The following PISD variants were observed in gnomAD, a reference collection of about 807,000 sequenced individuals.
PISD encodes the protein phosphatidylserine decarboxylase.
PISD carries 31 observed loss-of-function variants against 43.5 expected under a neutral mutation model. The observed-to-expected ratio is 0.71, with a 90% CI of 0.54 to 0.96. The LOEUF (loss-of-function observed/expected upper bound fraction) is 0.96. Among genes scored for constraint, PISD ranks in the 40% least tolerant of loss-of-function variants. The pLI is 0.00. For missense variants in PISD, 523 were observed against 548.4 expected (o/e 0.95, Z 0.46); for synonymous variants, 259 against 228.7 (o/e 1.13, Z -1.20).
At chr22:31,650,376 A>C (rs2073998054) in intron 2 of PISD, among the ~76,000 whole-genome samples, 1 of 151,958 alleles carries the variant, frequency 6.6e-6, no homozygotes. Context: ...AACAACAAAA[A>C]TTAACAATAA....
At chr22:31,655,229 A>C (rs2074134497) in intron 1 of PISD, among the ~76,000 whole-genome samples, 1 of 152,064 alleles carries the variant, frequency 6.6e-6, no homozygotes, top group African/African-American at 2.4e-5. Context: ...GCTGGAGTTT[A>C]TCTGTTACAG....
chr22:31,641,477 A>T (rs1352412076), intron 3 of PISD, among the ~76,000 whole-genome samples: 1 of 152,116 alleles, frequency 6.6e-6, no homozygotes, highest in Non-Finnish European at 1.5e-5. Flanking sequence ...CCTAGGTGGG[A>T]GAGAGAGAGT....
intron 3 of PISD, chr22:31,628,098 G>A: frequency 4.1e-6 from 4 of 985,522 alleles, no homozygotes; most frequent in Non-Finnish European, 4.8e-6. Context: ...GCCGAGACCA[G>A]GGTGTCAGTG....
chr22:31,636,883 G>A (rs1214985988), intron 3 of PISD, among the ~76,000 whole-genome samples: 1 of 151,162 alleles, frequency 6.6e-6, no homozygotes, highest in Non-Finnish European at 1.5e-5. Flanking sequence ...TCACCATGTT[G>A]GCCAGGCTGG....
rs1466174387 is a variant in PISD at position 31,630,619 on chromosome 22, C to G, written c.322-8734G>C. 1.5e-6 allele frequency: 1 copy of G among 656,512 alleles called. No individual in the cohort carries two copies. Among genetic ancestry groups the G allele is most frequent in the Non-Finnish European group, 1.9e-6 (1 of 529,394 alleles). 40.7% of individuals were successfully genotyped at this position (656,512 alleles called of 1,614,324 possible). Reference sequence around the variant, plus strand: ...AAAAAAAGCCCACGACTCGCTCAACCTTGTCCGCGGGGCTCCTCAGGCCGG... The same window carrying G: ...AAAAAAAGCCCACGACTCGCTCAACGTTGTCCGCGGGGCTCCTCAGGCCGG... On this transcript the variant is annotated intron_variant, in intron 3 of 7. Coordinates refer to ENST00000439502, the MANE Select transcript of PISD (RefSeq NM_001326411.2). The surrounding 1 kb of genome is among the most constrained non-coding windows in gnomAD (Gnocchi z 4.4).
chr22:31,623,102 C>T (rs935178491), intron 3 of PISD, among the ~76,000 whole-genome samples: 1 of 152,188 alleles, frequency 6.6e-6, no homozygotes, highest in Non-Finnish European at 1.5e-5. Context: ...ATGTGACTGT[C>T]AAAGGCCCAG....
intron 3 of PISD, chr22:31,638,826 T>A: frequency 6.6e-6 from 1 of 151,786 alleles, no homozygotes; most frequent in East Asian, 2.0e-4. Flanking sequence ...TCTTTCTTTT[T>A]TTTTTTTTTT....
At chr22:31,654,771 G>A (rs9621306) in intron 1 of PISD, among the ~76,000 whole-genome samples, 2,178 of 152,192 alleles carry the variant, frequency 0.014, 51 homozygotes, top group African/African-American at 0.049. Context: ...GCCGACTGTG[G>A]GAAGTATTAA....
intron 3 of PISD, among the ~76,000 whole-genome samples, chr22:31,626,532 C>T (rs1252141283): frequency 6.6e-6 from 1 of 152,108 alleles, no homozygotes; most frequent in Admixed American, 6.5e-5. Flanking sequence ...CTTGACCCCC[C>T]ACCAACACAC....
chr22:31,632,489 C>T (rs2073246208), intron 3 of PISD, among the ~76,000 whole-genome samples: 1 of 152,170 alleles, frequency 6.6e-6, no homozygotes, highest in African/African-American at 2.4e-5. Flanking sequence ...CTATTCCAGC[C>T]AGGGCTACTG....
At chr22:31,627,175 T>C (rs2072953295) in intron 3 of PISD, among the ~76,000 whole-genome samples, 1 of 152,206 alleles carries the variant, frequency 6.6e-6, no homozygotes, top group Non-Finnish European at 1.5e-5. Flanking sequence ...GACACAAGCG[T>C]GGATTTCTCC....
At chr22:31,656,864 C>T (rs56211407) in intron 1 of PISD, among the ~76,000 whole-genome samples, 8,326 of 152,104 alleles carry the variant, frequency 0.055, 211 homozygotes, top group Non-Finnish European at 0.065. Flanking sequence ...GTGGCTCACT[C>T]CCACATCATT....
rs2073582991 is a variant in PISD at position 31,638,455 on chromosome 22, T to TGGGGAAGTGGGGAGAAC, written c.321+9629_321+9645dup. ...GAAGGGGGGATGAAGGGGGATGAAG[T>TGGGGAAGTGGGGAGAAC]GGGGAAGTGGGGAGAACAGGGAAGA... is the stretch of plus-strand genomic sequence containing the variant. On this transcript the variant is annotated intron_variant, in intron 3 of 7. Transcript: ENST00000439502. The TGGGGAAGTGGGGAGAAC allele has an allele frequency of 1.0e-5, 10 of 977,914 alleles. No individual in the cohort carries two copies. The South Asian group carries it at 4.7e-4, about 46-fold the overall frequency. 60.6% of individuals were successfully genotyped at this position (977,914 alleles called of 1,614,324 possible). A position where few individuals can be genotyped will look rare whatever the true frequency, so the allele number is the denominator to read the frequency against.
At chr22:31,620,408 G>C (rs2072476478) in intron 7 of PISD, 145 bp downstream of exon 7, 1 of 756,324 alleles carries the variant, frequency 1.3e-6, no homozygotes, top group African/African-American at 1.8e-5. Flanking sequence ...GCCATTCTCA[G>C]GACAGCTGCT....
At chr22:31,621,524 C>A (rs773637852) in intron 4 of PISD, 52 bp from the exon 5 acceptor site, 7 of 1,608,174 alleles carry the variant, frequency 4.4e-6, no homozygotes, top group Non-Finnish European at 6.0e-6. Context: ...CTCCTCCCCC[C>A]AGGAGACAGC....
intron 3 of PISD, among the ~76,000 whole-genome samples, chr22:31,647,391 A>T (rs1037753540): frequency 4.6e-5 from 7 of 152,228 alleles, no homozygotes; most frequent in African/African-American, 1.7e-4. Flanking sequence ...GTGGATCACC[A>T]CTGCATTCCA....
chr22:31,639,228 A>G (rs1356709291), intron 3 of PISD, among the ~76,000 whole-genome samples: 2 of 149,986 alleles, frequency 1.3e-5, no homozygotes, highest in Admixed American at 1.3e-4. Context: ...CTGGAGTGCA[A>G]TGGCGCAGTC....
At chr22:31,657,081 A>G (rs2074200441) in intron 1 of PISD, among the ~76,000 whole-genome samples, 2 of 152,192 alleles carry the variant, frequency 1.3e-5, no homozygotes, top group African/African-American at 4.8e-5. Flanking sequence ...TGGGATATCT[A>G]TCCCCTCAAG....
intron 7 of PISD, 60 bp from the exon 8 acceptor site, chr22:31,619,896 C>A: frequency 8.8e-7 from 1 of 1,142,154 alleles, no homozygotes; most frequent in Admixed American, 2.1e-5. Context: ...GTGTCACCCC[C>A]ACATGTGTTT....
Sources: gnomAD v4.1 joint callset for allele counts (sites outside exome capture counted in the v4.1 genomes callset) on GRCh38, gnomAD v4.1.1 for gene constraint, Gnocchi (gnomAD v3.1) non-coding constraint, MANE v1.5 for transcripts, NCBI Gene and HGNC (gene_info 2026-07-23, HGNC 2026-07-21) for gene names.